The following CACNA1E variants were observed in gnomAD, a reference collection of about 807,000 sequenced individuals.
CACNA1E encodes voltage-dependent R-type calcium channel subunit alpha-1E.
CACNA1E carries 40 observed loss-of-function variants against 259.2 expected under a neutral mutation model. That is an observed-to-expected ratio of 0.15 (90% CI 0.12 to 0.20). The LOEUF (loss-of-function observed/expected upper bound fraction) is 0.20. Ranked by LOEUF, CACNA1E falls within the 10% of genes least tolerant of loss-of-function variation. The pLI is 1.00. For synonymous variants in CACNA1E, 1,104 were observed against 1,138.5 expected (o/e 0.97, Z 0.61); for missense variants, 1,874 against 3,040.1 (o/e 0.62, Z 9.02).
chr1:181,701,197 A>T (rs1558282061), intron 7 of CACNA1E, among the ~76,000 whole-genome samples: 1 of 152,224 alleles, frequency 6.6e-6, no homozygotes, highest in Non-Finnish European at 1.5e-5. Flanking sequence ...TCAACCTGGT[A>T]ATAAACTCTC....
At chr1:181,688,804 C>T (rs551452294) in intron 7 of CACNA1E, among the ~76,000 whole-genome samples, 1 of 152,264 alleles carries the variant, frequency 6.6e-6, no homozygotes, top group African/African-American at 2.4e-5. Flanking sequence ...ATTTCCCCTT[C>T]CCACTCCAGC....
Position 181,758,021 on chromosome 1 carries a change from G to A in CACNA1E, c.4404G>A (p.Gln1468=), listed in dbSNP as rs370478765. 7.5e-5 allele frequency: 121 copies of A among 1,613,848 alleles called. No individual in the cohort carries two copies. Among genetic ancestry groups the A allele is most frequent in the Admixed American group, 3.3e-5 (2 of 60,016 alleles). ...RYMPQNRHTF[Q]YRVWHFVVSP... is the part of the protein sequence containing the mutation. ...TGCCGCAGAACAGACACACCTTCCA[G>A]TACCGCGTGTGGCACTTTGTGGTGT... The change falls in exon 31 of 48, where the codon CAG becomes CAA. Residue 1468 remains glutamine, a synonymous_variant. Transcript: ENST00000367573. This position sits in a 1 kb window ranked among gnomAD's most constrained non-coding sequence, Gnocchi z 4.2.
chr1:181,327,569 A>G (rs1284896937), intron 1 of CACNA1E, among the ~76,000 whole-genome samples: 2 of 152,188 alleles, frequency 1.3e-5, no homozygotes, highest in East Asian at 1.9e-4. Flanking sequence ...TGAAGACTGT[A>G]TTTCAGTTAT....
Position 181,776,081 on chromosome 1 carries a change from T to C in CACNA1E, c.5140-20T>C. The stretch of plus-strand genomic sequence containing the variant: ...TGCTTTAGGTTTCCCCTAACCCCTC[T>C]TCTTCCCCTTGCCCTTCAGATGCTC... On this transcript the variant is annotated intron_variant, in intron 37 of 47. Coordinates refer to ENST00000367573, the MANE Select transcript of CACNA1E (RefSeq NM_001205293.3). This position sits in a 1 kb window ranked among gnomAD's most constrained non-coding sequence, Gnocchi z 4.4. 7 of 1,608,456 alleles carry C rather than the reference T, an allele frequency of 4.4e-6. No homozygotes were observed. Among genetic ancestry groups the C allele is most frequent in the African/African-American group, 4.0e-5 (3 of 74,998 alleles).
chr1:181,707,106 C>T (rs1000304163), intron 7 of CACNA1E, among the ~76,000 whole-genome samples: 1 of 152,096 alleles, frequency 6.6e-6, no homozygotes, highest in African/African-American at 2.4e-5. Flanking sequence ...ATTACAGCAG[C>T]GAGGGCAGAG....
intron 2 of CACNA1E, among the ~76,000 whole-genome samples, chr1:181,417,748 A>G (rs1426122796): frequency 2.0e-5 from 3 of 152,132 alleles, no homozygotes; most frequent in Non-Finnish European, 2.9e-5. Context: ...GCTCGCTCCT[A>G]GCTCATGACT....
At chr1:181,403,738 G>A (rs1248281781) in intron 1 of CACNA1E, among the ~76,000 whole-genome samples, 1 of 152,184 alleles carries the variant, frequency 6.6e-6, no homozygotes, top group Non-Finnish European at 1.5e-5. Context: ...GTAAGTAACA[G>A]AAAACCTGAC....
chr1:181,537,923 G>A (rs1265813620), intron 3 of CACNA1E, among the ~76,000 whole-genome samples: 2 of 152,204 alleles, frequency 1.3e-5, no homozygotes, highest in Non-Finnish European at 2.9e-5. Flanking sequence ...CACATGTAAA[G>A]CACTTAGCAT....
chr1:181,337,689 A>AC (rs1651819028), intron 1 of CACNA1E, among the ~76,000 whole-genome samples: 2 of 152,192 alleles, frequency 1.3e-5, no homozygotes, highest in Non-Finnish European at 2.9e-5. Context: ...AAATGAGAGT[A>AC]TCTCATTTTT....
In CACNA1E at chr1:181,584,017, C is replaced by A. The variant is rs78675909; in HGVS notation, c.951+3241C>A. Among the ~76,000 whole-genome samples, 203 of 152,258 alleles carry A rather than the reference C, an allele frequency of 1.3e-3. 3 individuals are homozygous for A. The East Asian group carries it at 0.029, about 22-fold the overall frequency. On this transcript the variant is annotated intron_variant, in intron 6 of 47. Transcript: ENST00000367573. Reference sequence around the variant, plus strand: ...TCATTCAACAAATGTTACTGTGGCTCGCTAACCCTCTTCACCTGGGCTGGA... The same window carrying A: ...TCATTCAACAAATGTTACTGTGGCTAGCTAACCCTCTTCACCTGGGCTGGA...
chr1:181,513,465 GT>G (rs539818118), intron 3 of CACNA1E, among the ~76,000 whole-genome samples: 2 of 152,164 alleles, frequency 1.3e-5, no homozygotes, highest in Non-Finnish European at 2.9e-5. Context: ...GATTCTTTCT[GT>G]TTTTTGGCTC....
At chr1:181,718,796 C>G (rs1182358622) in intron 12 of CACNA1E, among the ~76,000 whole-genome samples, 1 of 152,072 alleles carries the variant, frequency 6.6e-6, no homozygotes, top group Non-Finnish European at 1.5e-5. Context: ...ATTTTTGTCC[C>G]CTGCCGCTTA....
intron 2 of CACNA1E, among the ~76,000 whole-genome samples, chr1:181,422,380 T>C (rs1045210400): frequency 6.6e-6 from 1 of 152,208 alleles, no homozygotes; most frequent in African/African-American, 2.4e-5. Context: ...ATAGTTACGA[T>C]CTATGTGTTC....
Position 181,796,671 on chromosome 1 carries a change from A to T in CACNA1E, c.6212A>T (p.His2071Leu). Residue 2071 changes from histidine (H) to leucine (L), a missense_variant, in exon 47 of 48, where the codon CAC becomes CTC. Around this residue, in one of 14 missense-constraint regions of CACNA1E, gnomAD observed 542 missense variants for 587.2 expected, o/e 0.92. Coordinates refer to ENST00000367573, the MANE Select transcript of CACNA1E (RefSeq NM_001205293.3). ...SAHRLNSDSGHKSDTHRSGGR... is the reference protein window; with the variant it reads ...SAHRLNSDSGLKSDTHRSGGR... ...GTGCTTTTGTCACCTCTCACAGGCC[A>T]CAAGTCTGACACTCACCGCTCAGGG... 1 of 1,585,818 alleles carries T rather than the reference A, an allele frequency of 6.3e-7. No individual in the cohort carries two copies. The highest frequency in any genetic ancestry group is 8.6e-7 in the Non-Finnish European group (1 of 1,160,776).
intron 2 of CACNA1E, among the ~76,000 whole-genome samples, chr1:181,467,123 G>A (rs1367477172): frequency 6.6e-6 from 1 of 152,214 alleles, no homozygotes; most frequent in Non-Finnish European, 1.5e-5. Context: ...CTTACCAGCA[G>A]CTCCCAAAAA....
rs780618926 is a variant in CACNA1E, at chr1:181,790,588, A to G, written c.5898+32A>G. ...GCATGAGTTATATGACCTCAAAACTACTTCCTTGGTTTCCTGATCCCTCTC... is the reference window on the plus strand; with the variant it reads ...GCATGAGTTATATGACCTCAAAACTGCTTCCTTGGTTTCCTGATCCCTCTC... On this transcript the variant is annotated intron_variant, in intron 44 of 47. Transcript: ENST00000367573. 1.0e-5 allele frequency: 13 copies of G among 1,277,148 alleles called. No individual in the cohort carries two copies. The South Asian group carries it at 1.2e-4, about 12-fold the overall frequency. 79.1% of individuals were successfully genotyped at this position (1,277,148 alleles called of 1,614,324 possible).
intron 2 of CACNA1E, among the ~76,000 whole-genome samples, chr1:181,447,108 G>A (rs964623363): frequency 2.0e-5 from 3 of 152,318 alleles, no homozygotes; most frequent in African/African-American, 7.2e-5. Context: ...GCCTGGATTA[G>A]TCTCAGGGTT....
intron 34 of CACNA1E, among the ~76,000 whole-genome samples, chr1:181,764,687 G>A (rs961347775): frequency 2.0e-5 from 3 of 152,190 alleles, no homozygotes; most frequent in Non-Finnish European, 2.9e-5. Flanking sequence ...TTTTTCTAAA[G>A]TTAGATATGG....
intron 18 of CACNA1E, among the ~76,000 whole-genome samples, chr1:181,727,898 G>A (rs149961036): frequency 2.0e-5 from 3 of 152,286 alleles, no homozygotes; most frequent in African/African-American, 7.2e-5. Context: ...TTGCCTTGTG[G>A]GGTGTGCCAG....
Sources: allele counts gnomAD v4.1 joint callset (sites outside exome capture counted in the v4.1 genomes callset), GRCh38; gene constraint gnomAD v4.1.1; regional missense constraint gnomAD v4.1.1; non-coding constraint Gnocchi (gnomAD v3.1); transcripts MANE v1.5; gene names NCBI Gene and HGNC (gene_info 2026-07-23, HGNC 2026-07-21).